The following NR1D2 variants were observed in gnomAD, a reference collection of about 807,000 sequenced individuals.
The protein encoded by NR1D2 is nuclear receptor subfamily 1 group D member 2.
In NR1D2, 25 loss-of-function variants were observed where a neutral mutation model predicts 52.2. That is an observed-to-expected ratio of 0.48 (90% CI 0.35 to 0.67). The LOEUF (loss-of-function observed/expected upper bound fraction) is 0.67, where lower values mean the gene tolerates loss of function less well. NR1D2 is among the 30% of genes least tolerant of loss of function. The pLI is 0.01. For missense variants in NR1D2, 681 were observed against 707.2 expected, an observed-to-expected ratio of 0.96 and a Z score of 0.42; for synonymous variants, 259 against 230.1, an observed-to-expected ratio of 1.13 and a Z score of -1.14.
At chr3:23,953,342 C>CAAAAAAAAAAAAA (rs55698030) in intron 1 of NR1D2, among the ~76,000 whole-genome samples, 2 of 52,440 alleles carry the variant, frequency 3.8e-5, no homozygotes, top group African/African-American at 1.3e-4. Context: ...GACTCTGTCT[C>CAAAAAAAAAAAAA]AAAAAAAAAA....
intron 7 of NR1D2, among the ~76,000 whole-genome samples, chr3:23,973,601 T>C (rs1706646538): frequency 6.6e-6 from 1 of 152,202 alleles, no homozygotes; most frequent in African/African-American, 2.4e-5. Context: ...GCCTAGGATA[T>C]TACTGTATAT....
rs1357662342 is a variant in NR1D2, at chr3:23,963,921, T to G, written c.1147-1056T>G. ...GTGTGTTTCATCATCTTTTTGGTGT[T>G]TTTTTTTTTTTTTTAATAACTTCTT... On this transcript the variant is annotated intron_variant, in intron 5 of 7. Transcript: ENST00000312521. 3.8e-3 allele frequency among the ~76,000 whole-genome samples: 33 copies of G among 8,644 alleles called. No homozygotes were observed. In the African/African-American group the frequency reaches 0.061, roughly 16 times the overall value. 5.7% of individuals were successfully genotyped at this position (8,644 alleles called of 152,430 possible).
chr3:23,961,354 T>A (rs1402985194), intron 4 of NR1D2, among the ~76,000 whole-genome samples: 1 of 151,708 alleles, frequency 6.6e-6, no homozygotes, highest in Non-Finnish European at 1.5e-5. Flanking sequence ...CTGGTTTTCA[T>A]TAGCTAATTT....
intron 7 of NR1D2, among the ~76,000 whole-genome samples, chr3:23,975,926 T>TA (rs373276684): frequency 2.0e-5 from 3 of 152,166 alleles, no homozygotes; most frequent in African/African-American, 2.4e-5. Context: ...AATATCCTTG[T>TA]AAAAAAACGA....
chr3:23,967,013 G>C (rs1191321842), intron 6 of NR1D2, among the ~76,000 whole-genome samples: 1 of 151,796 alleles, frequency 6.6e-6, no homozygotes, highest in Non-Finnish European at 1.5e-5. Context: ...AACAGAGCAA[G>C]ACCCTGTCTC....
chr3:23,973,821 C>T (rs1293938252), intron 7 of NR1D2, among the ~76,000 whole-genome samples: 1 of 151,924 alleles, frequency 6.6e-6, no homozygotes, highest in Non-Finnish European at 1.5e-5. Flanking sequence ...ATTCTATAAG[C>T]TTTTTTCTAT....
chr3:23,950,974 C>T (rs776517770), intron 1 of NR1D2, among the ~76,000 whole-genome samples: 34 of 145,420 alleles, frequency 2.3e-4, no homozygotes, highest in African/African-American at 7.7e-4. Flanking sequence ...GGTGCCATCT[C>T]GGCTCACCGC....
In NR1D2 at chr3:23,978,576, C is replaced by T. The variant is rs1165126485; in HGVS notation, c.*1157C>T. 1.3e-5 allele frequency: 2 copies of T among 151,744 alleles called. No homozygotes were observed. The highest frequency in any genetic ancestry group is 6.6e-5 in the Admixed American group (1 of 15,232). 9.4% of individuals were successfully genotyped at this position (151,744 alleles called of 1,614,324 possible). On this transcript the variant is annotated 3_prime_UTR_variant, in exon 8 of 8. Coordinates refer to ENST00000312521, the MANE Select transcript of NR1D2 (RefSeq NM_005126.5). The stretch of plus-strand genomic sequence containing the variant: ...TTTAAAAGTTGATTCATATTCTTAC[C>T]TTGTGCTGAGAAAGGTTGCATTGCT...
intron 5 of NR1D2, among the ~76,000 whole-genome samples, chr3:23,964,230 A>G (rs1706377460): frequency 6.6e-6 from 1 of 152,022 alleles, no homozygotes; most frequent in Admixed American, 6.6e-5. Flanking sequence ...GGCGCAAGCC[A>G]CCACGTCTGG....
At chr3:23,972,213 A>G (rs757622829) in intron 7 of NR1D2, among the ~76,000 whole-genome samples, 1 of 152,202 alleles carries the variant, frequency 6.6e-6, no homozygotes, top group Non-Finnish European at 1.5e-5. Flanking sequence ...GAGCTGGGAC[A>G]TGTTATTCAC....
At chr3:23,957,283 A>T (rs1486301471) in intron 3 of NR1D2, among the ~76,000 whole-genome samples, 2 of 150,886 alleles carry the variant, frequency 1.3e-5, no homozygotes, top group Non-Finnish European at 3.0e-5. Context: ...CGCCCTGCCA[A>T]GTTTGCTAAC....
intron 6 of NR1D2, among the ~76,000 whole-genome samples, chr3:23,966,790 G>T (rs1187904801): frequency 1.3e-5 from 2 of 152,166 alleles, no homozygotes; most frequent in African/African-American, 4.8e-5. Context: ...AGCACTTTGG[G>T]AGGCCGAGGC....
chr3:23,975,963 A>G (rs7371944), intron 7 of NR1D2, among the ~76,000 whole-genome samples: 1 of 152,072 alleles, frequency 6.6e-6, no homozygotes, highest in African/African-American at 2.4e-5. Context: ...AGAAGTTTTG[A>G]TTCCTTGTAG....
At chr3:23,976,872 A>C (rs984658906) in intron 7 of NR1D2, among the ~76,000 whole-genome samples, 14 of 152,216 alleles carry the variant, frequency 9.2e-5, no homozygotes, top group African/African-American at 3.1e-4. Context: ...ATGTATTGAA[A>C]ATATGTTTAT....
At chr3:23,954,341 ATGTGCTTTGAACTTTGCGGAAGCAG>A (rs1706026516) in intron 1 of NR1D2, among the ~76,000 whole-genome samples, 171 bp from the exon 2 acceptor site, 3 of 152,198 alleles carry the variant, frequency 2.0e-5, no homozygotes, top group Admixed American at 2.0e-4. Flanking sequence ...TGGGAGTTAC[ATGTGCTTTGAACTTTGCGGAAGCAG>A]GACGAATAAT....
intron 1 of NR1D2, among the ~76,000 whole-genome samples, chr3:23,948,580 CAA>C (rs540483793): frequency 8.9e-4 from 135 of 152,168 alleles, no homozygotes; most frequent in African/African-American, 3.1e-3. Flanking sequence ...ATAATGATGA[CAA>C]AAAAATAATC....
At chr3:23,972,410 G>T (rs1706613787) in intron 7 of NR1D2, among the ~76,000 whole-genome samples, 1 of 152,194 alleles carries the variant, frequency 6.6e-6, no homozygotes, top group Admixed American at 6.5e-5. Flanking sequence ...CATGATGTTT[G>T]CCTGTAAGAT....
intron 1 of NR1D2, among the ~76,000 whole-genome samples, chr3:23,951,613 T>C (rs2125283360): frequency 6.6e-6 from 1 of 152,348 alleles, no homozygotes; most frequent in East Asian, 1.9e-4. Context: ...TGGTTTCTCT[T>C]TGGATTCACA....
At chr3:23,972,938 C>T (rs1706628779) in intron 7 of NR1D2, among the ~76,000 whole-genome samples, 1 of 152,166 alleles carries the variant, frequency 6.6e-6, no homozygotes, top group African/African-American at 2.4e-5. Flanking sequence ...GCATCCATTT[C>T]CCTGAAGTTC....
Sources: gnomAD v4.1 joint callset for allele counts (sites outside exome capture counted in the v4.1 genomes callset) on GRCh38, gnomAD v4.1.1 for gene constraint, MANE v1.5 for transcripts, NCBI Gene and HGNC (gene_info 2026-07-23, HGNC 2026-07-21) for gene names.